ANKS1B: variants seen among roughly 807,000 people sequenced by gnomAD.
ANKS1B encodes the protein ankyrin repeat and sterile alpha motif domain containing 1B, also known as ankyrin repeat and sterile alpha motif domain-containing protein 1B.
In ANKS1B, 36 loss-of-function variants were observed where a neutral mutation model predicts 148.3. That is an observed-to-expected ratio of 0.24 (90% CI 0.19 to 0.32). The LOEUF is 0.32. ANKS1B is among the 10% of genes least tolerant of loss of function. ANKS1B has a pLI of 1.00. For synonymous variants in ANKS1B, 542 were observed against 560.8 expected, an observed-to-expected ratio of 0.97 and a Z score of 0.47; for missense variants, 1,157 against 1,542.6, an observed-to-expected ratio of 0.75 and a Z score of 4.19.
chr12:98,878,942 T>C (rs781617542), intron 17 of ANKS1B, among the ~76,000 whole-genome samples: 35 of 152,188 alleles, frequency 2.3e-4, no homozygotes, highest in Non-Finnish European at 3.7e-4. Context: ...CTTTTTTCAA[T>C]GCAGAGACTC....
rs567664124 is a variant in ANKS1B at position 98,791,406 on chromosome 12, T to C, written c.3342+7528A>G. ...AGGATCAGCAATAAGGAGTTACCTA[T>C]GTGGCTGTTTCTTTGTGGGCATTGC... On this transcript the variant is annotated intron_variant, in intron 22 of 26. Transcript: ENST00000683438. Among the ~76,000 whole-genome samples the C allele has an allele frequency of 3.7e-4, 57 of 152,200 alleles. 1 individual carries two copies. Among genetic ancestry groups the C allele is most frequent in the Admixed American group, 4.6e-4 (7 of 15,282 alleles).
intron 1 of ANKS1B, among the ~76,000 whole-genome samples, chr12:99,858,409 C>G (rs2089521900): frequency 6.6e-6 from 1 of 152,074 alleles, no homozygotes; most frequent in Admixed American, 6.6e-5. Flanking sequence ...AAATGGAACA[C>G]TTTTACACTG....
chr12:99,008,937 G>A (rs1325402368), intron 17 of ANKS1B, among the ~76,000 whole-genome samples: 1 of 152,132 alleles, frequency 6.6e-6, no homozygotes, highest in Non-Finnish European at 1.5e-5. Flanking sequence ...CAGGGAAGAT[G>A]GTGGAGAAGA....
intron 18 of ANKS1B, among the ~76,000 whole-genome samples, chr12:98,830,596 A>G (rs1291788846): frequency 3.3e-5 from 5 of 152,174 alleles, no homozygotes; most frequent in Non-Finnish European, 7.3e-5. Context: ...AAGTTTATTG[A>G]TAAGAGGCAG....
At chr12:99,343,031 A>T (rs1214026624) in intron 12 of ANKS1B, among the ~76,000 whole-genome samples, 2 of 152,060 alleles carry the variant, frequency 1.3e-5, no homozygotes, top group African/African-American at 2.4e-5. Flanking sequence ...GAAAAATGTG[A>T]ATATATTCCA....
chr12:99,200,374 T>C (rs1291524484), intron 14 of ANKS1B, among the ~76,000 whole-genome samples: 1 of 152,220 alleles, frequency 6.6e-6, no homozygotes, highest in East Asian at 1.9e-4. Context: ...AGCCTTGCCA[T>C]AAATCTGCTT....
intron 14 of ANKS1B, among the ~76,000 whole-genome samples, chr12:99,202,375 G>A (rs2082165959): frequency 6.6e-6 from 1 of 152,304 alleles, no homozygotes; most frequent in Admixed American, 6.5e-5. Flanking sequence ...CTCTGTGGCT[G>A]TTCAGATGTT....
intron 1 of ANKS1B, among the ~76,000 whole-genome samples, chr12:99,941,734 T>G (rs1220892081): frequency 6.6e-6 from 1 of 152,132 alleles, no homozygotes; most frequent in Non-Finnish European, 1.5e-5. Context: ...TAAGTTGAAT[T>G]TTAAAAGACA....
intron 24 of ANKS1B, among the ~76,000 whole-genome samples, chr12:98,775,884 C>G (rs530595137): frequency 6.6e-5 from 10 of 152,302 alleles, no homozygotes; most frequent in Admixed American, 2.0e-4. Flanking sequence ...CTACTCTGTT[C>G]CCATTGTCTA....
At chr12:99,415,805 T>A (rs1410399700) in intron 11 of ANKS1B, among the ~76,000 whole-genome samples, 1 of 152,012 alleles carries the variant, frequency 6.6e-6, no homozygotes, top group Admixed American at 6.5e-5. Flanking sequence ...TGCCTCAGCC[T>A]CCTAAGTAGC....
chr12:99,720,065 C>T (rs1417793339), intron 8 of ANKS1B, among the ~76,000 whole-genome samples: 1 of 152,210 alleles, frequency 6.6e-6, no homozygotes, highest in Non-Finnish European at 1.5e-5. Context: ...ATAACCTCTT[C>T]CATGTAGGTT....
chr12:99,177,748 A>C (rs1376109421), intron 14 of ANKS1B, among the ~76,000 whole-genome samples: 2 of 152,228 alleles, frequency 1.3e-5, no homozygotes, highest in East Asian at 3.8e-4. Context: ...TTTCATCAGC[A>C]TTATAGACTT....
Position 98,744,465 on chromosome 12 carries a change from A to G in ANKS1B, c.*1274T>C, listed in dbSNP as rs912754252. On this transcript the variant is annotated 3_prime_UTR_variant, in exon 27 of 27. Coordinates refer to ENST00000683438, the MANE Select transcript of ANKS1B (RefSeq NM_001352186.2). The stretch of plus-strand genomic sequence containing the variant: ...CAATATGATTGTTAGAACAATATAC[A>G]TTAAAATGTTATTTTTTTCTATAAT... The G allele has an allele frequency of 2.9e-6, 2 of 698,228 alleles. No homozygotes were observed. Among genetic ancestry groups the G allele is most frequent in the Non-Finnish European group, 3.5e-6 (2 of 567,904 alleles). 43.3% of individuals were successfully genotyped at this position (698,228 alleles called of 1,614,324 possible). A position where few individuals can be genotyped will look rare whatever the true frequency, so the allele number is the denominator to read the frequency against.
chr12:98,917,950 A>G (rs2099796608), intron 17 of ANKS1B, among the ~76,000 whole-genome samples: 3 of 152,234 alleles, frequency 2.0e-5, no homozygotes, highest in African/African-American at 7.2e-5. Flanking sequence ...GGGTTACAAA[A>G]TTAAATAAAT....
At chr12:99,367,144 A>G (rs1322865775) in intron 12 of ANKS1B, among the ~76,000 whole-genome samples, 2 of 152,144 alleles carry the variant, frequency 1.3e-5, no homozygotes, top group Admixed American at 1.3e-4. Flanking sequence ...GAGAGGAGTG[A>G]GGAGGGAGGC....
rs200308044 is a variant in ANKS1B, at chr12:99,424,622, AACAC to A, written c.1575+19047_1575+19050del. 7.1e-4 allele frequency among the ~76,000 whole-genome samples: 105 copies of A among 147,398 alleles called. 1 individual carries two copies. Among genetic ancestry groups the A allele is most frequent in the African/African-American group, 1.9e-3 (78 of 40,224 alleles). Reference sequence around the variant, plus strand: ...TTTTTCCTCCTGTACAGGTAGCAGAAACACACACACACACACACACACACATACA... The same window carrying A: ...TTTTTCCTCCTGTACAGGTAGCAGAAACACACACACACACACACACATACA... On this transcript the variant is annotated intron_variant, in intron 11 of 26. Coordinates refer to ENST00000683438, the MANE Select transcript of ANKS1B (RefSeq NM_001352186.2).
chr12:99,454,437 G>C (rs895074795), intron 10 of ANKS1B, among the ~76,000 whole-genome samples: 1 of 151,624 alleles, frequency 6.6e-6, no homozygotes, highest in African/African-American at 2.4e-5. Flanking sequence ...TAAGAACTTT[G>C]GTCTTATCTA....
At chr12:98,803,711 G>C (rs1021599336) in intron 20 of ANKS1B, among the ~76,000 whole-genome samples, 1 of 152,198 alleles carries the variant, frequency 6.6e-6, no homozygotes, top group Non-Finnish European at 1.5e-5. Flanking sequence ...GAACAGGGCT[G>C]GGGGTGGGAA....
In ANKS1B at chr12:98,735,673, T is replaced by C. The variant is rs370991051; in HGVS notation, c.691-39A>G. 6.7e-6 allele frequency: 5 copies of C among 742,142 alleles called. No homozygotes were observed. In the African/African-American group the frequency reaches 8.5e-5, roughly 13 times the overall value. The allele number at this position is 742,142 out of a possible 1,614,324, so 46.0% of individuals were successfully genotyped here. On this transcript the variant is annotated intron_variant, in intron 9 of 9. Transcript: ENST00000341752. ...AATTCATTTATTTATTCACTTAGTTTGTTCATGCATTTGTTTAATAAATAT... is the reference window on the plus strand; with the variant it reads ...AATTCATTTATTTATTCACTTAGTTCGTTCATGCATTTGTTTAATAAATAT...
Sources: allele counts gnomAD v4.1 joint callset (sites outside exome capture counted in the v4.1 genomes callset), GRCh38; gene constraint gnomAD v4.1.1; transcripts MANE v1.5; gene names NCBI Gene and HGNC (gene_info 2026-07-23, HGNC 2026-07-21).